The following PDLIM5 variants were observed in gnomAD, a reference collection of about 807,000 sequenced individuals.
PDLIM5 encodes PDZ and LIM domain protein 5.
PDLIM5 carries 34 observed loss-of-function variants against 64.2 expected under a neutral mutation model. The ratio of observed to expected loss-of-function variants is 0.53; its 90% CI spans 0.40 to 0.71. PDLIM5 has a LOEUF of 0.71. Among genes scored for constraint, PDLIM5 ranks in the 30% least tolerant of loss-of-function variants. The pLI, the probability that PDLIM5 is intolerant of heterozygous loss-of-function variation, is 0.00. For synonymous variants in PDLIM5, 253 were observed against 269.1 expected, an observed-to-expected ratio of 0.94 and a Z score of 0.59; for missense variants, 683 against 733.6, an observed-to-expected ratio of 0.93 and a Z score of 0.80.
At chr4:94,455,855 T>A in intron 2 of PDLIM5, 1 of 1,386,916 alleles carries the variant, frequency 7.2e-7, no homozygotes, top group Non-Finnish European at 9.9e-7. Context: ...AACAGTAAGA[T>A]GGCCAAAAGC....
intron 8 of PDLIM5, among the ~76,000 whole-genome samples, chr4:94,624,636 T>C (rs1311701339): frequency 2.0e-5 from 3 of 152,212 alleles, no homozygotes; most frequent in African/African-American, 7.2e-5. Context: ...ATTTTAATGT[T>C]TGTGCCTAAA....
chr4:94,658,285 A>C (rs1362547587), intron 11 of PDLIM5, among the ~76,000 whole-genome samples: 1 of 152,188 alleles, frequency 6.6e-6, no homozygotes, highest in Non-Finnish European at 1.5e-5. Flanking sequence ...CTGAATGAGA[A>C]GGTAATCCTG....
intron 2 of PDLIM5, among the ~76,000 whole-genome samples, chr4:94,490,913 A>G (rs1380436023): frequency 6.6e-6 from 1 of 152,176 alleles, no homozygotes; most frequent in Non-Finnish European, 1.5e-5. Context: ...TTATTTTTAT[A>G]CTGCTATGTG....
chr4:94,609,244 CT>C (rs1738170235), intron 7 of PDLIM5, among the ~76,000 whole-genome samples: 1 of 152,080 alleles, frequency 6.6e-6, no homozygotes, highest in Non-Finnish European at 1.5e-5. Context: ...AGTGATGATG[CT>C]CATTGATAAG....
intron 3 of PDLIM5, among the ~76,000 whole-genome samples, chr4:94,524,925 A>G (rs914516267): frequency 1.3e-5 from 2 of 152,174 alleles, no homozygotes; most frequent in South Asian, 2.1e-4. Flanking sequence ...CTTCAGCTTT[A>G]TAATGAAGGT....
chr4:94,486,561 C>G (rs1055672431), intron 2 of PDLIM5, among the ~76,000 whole-genome samples: 2 of 152,132 alleles, frequency 1.3e-5, no homozygotes, highest in Non-Finnish European at 2.9e-5. Flanking sequence ...TTTGTAGACT[C>G]CTTGCAGTGC....
At chr4:94,559,362 G>A (rs944337210) in intron 3 of PDLIM5, among the ~76,000 whole-genome samples, 11 of 152,098 alleles carry the variant, frequency 7.2e-5, no homozygotes, top group African/African-American at 2.7e-4. Flanking sequence ...CTATAGCTCT[G>A]TCTTCTTCTA....
chr4:94,456,774 G>A, intron 2 of PDLIM5: 1 of 1,217,318 alleles, frequency 8.2e-7, no homozygotes, highest in Non-Finnish European at 1.0e-6. Flanking sequence ...ACACTTTTGT[G>A]CAACGCATGA....
At chr4:94,654,682 T>G in intron 10 of PDLIM5, 42 bp downstream of exon 10, 2 of 1,291,544 alleles carry the variant, frequency 1.5e-6, no homozygotes, top group Non-Finnish European at 2.2e-6. Context: ...AGTTTTAAAG[T>G]AGAATAATTT....
intron 3 of PDLIM5, among the ~76,000 whole-genome samples, chr4:94,532,511 C>G (rs909465979): frequency 1.3e-5 from 2 of 152,140 alleles, no homozygotes; most frequent in African/African-American, 4.8e-5. Context: ...CATATTGTTA[C>G]TAACAGGCTT....
chr4:94,476,957 G>C (rs190272417), intron 2 of PDLIM5, among the ~76,000 whole-genome samples: 186 of 152,316 alleles, frequency 1.2e-3, no homozygotes, highest in Admixed American at 1.9e-3. Flanking sequence ...CTGGCAGACT[G>C]TGCAATTATA....
At chr4:94,584,846 A>G in intron 5 of PDLIM5, 3 of 624,108 alleles carry the variant, frequency 4.8e-6, no homozygotes, top group South Asian at 4.1e-5. Context: ...AGTGAACAAT[A>G]CAAATAATTT....
intron 7 of PDLIM5, among the ~76,000 whole-genome samples, chr4:94,600,586 G>A (rs1737417500): frequency 6.6e-6 from 1 of 152,064 alleles, no homozygotes; most frequent in Non-Finnish European, 1.5e-5. Flanking sequence ...TCTAATATTA[G>A]GATTATGTTA....
chr4:94,634,387 T>C lies in PDLIM5; in HGVS notation c.1109-5889T>C, dbSNP rs919932527. Reference sequence around the variant, plus strand: ...TCTTCCAACACCAAACTTGCTCTCCTGCTGATTATGTTTAGCAATACAGAA... The same window carrying C: ...TCTTCCAACACCAAACTTGCTCTCCCGCTGATTATGTTTAGCAATACAGAA... On this transcript the variant is annotated intron_variant, in intron 8 of 12. Coordinates refer to ENST00000317968, the MANE Select transcript of PDLIM5 (RefSeq NM_006457.5). 7.2e-5 allele frequency among the ~76,000 whole-genome samples: 11 copies of C among 152,312 alleles called. No individual in the cohort carries two copies. The East Asian group carries it at 9.7e-4, about 13-fold the overall frequency.
At chr4:94,620,738 T>C (rs1739155487) in intron 8 of PDLIM5, among the ~76,000 whole-genome samples, 1 of 151,976 alleles carries the variant, frequency 6.6e-6, no homozygotes, top group African/African-American at 2.4e-5. Context: ...TAGTGGCATG[T>C]GTTAACATGT....
chr4:94,605,906 T>C (rs1316193770), intron 7 of PDLIM5, among the ~76,000 whole-genome samples: 1 of 151,412 alleles, frequency 6.6e-6, no homozygotes, highest in Admixed American at 6.6e-5. Flanking sequence ...TAGATATTGA[T>C]AATAATTTAT....
intron 2 of PDLIM5, among the ~76,000 whole-genome samples, chr4:94,457,879 C>T (rs975429136): frequency 2.0e-5 from 3 of 152,140 alleles, no homozygotes; most frequent in Non-Finnish European, 4.4e-5. Context: ...GGTAACAAAG[C>T]TGCTGAGTTA....
chr4:94,636,091 T>G (rs1418815544), intron 8 of PDLIM5, among the ~76,000 whole-genome samples: 4 of 152,202 alleles, frequency 2.6e-5, no homozygotes, highest in Non-Finnish European at 2.9e-5. Context: ...GTTTCATGTT[T>G]AAGAATGGCT....
intron 11 of PDLIM5, among the ~76,000 whole-genome samples, chr4:94,658,744 G>C (rs562457582): frequency 6.6e-6 from 1 of 152,298 alleles, no homozygotes; most frequent in South Asian, 2.1e-4. Flanking sequence ...ATATATTCCA[G>C]ACTGTCTCCC....
Sources: allele counts gnomAD v4.1 joint callset (sites outside exome capture counted in the v4.1 genomes callset), GRCh38; gene constraint gnomAD v4.1.1; transcripts MANE v1.5; gene names NCBI Gene and HGNC (gene_info 2026-07-23, HGNC 2026-07-21).